Variants in KLHL23 observed in about 807,000 individuals in gnomAD.
KLHL23 encodes kelch-like protein 23.
Under a neutral mutation model 48.9 loss-of-function variants are expected in KLHL23, and 33 were observed. The observed-to-expected ratio is 0.67, with a 90% CI of 0.51 to 0.90. KLHL23 has a LOEUF of 0.90. Among genes scored for constraint, KLHL23 ranks in the 40% least tolerant of loss-of-function variants. The pLI, the probability that KLHL23 is intolerant of heterozygous loss-of-function variation, is 0.00. For synonymous variants in KLHL23, 234 were observed against 231.6 expected (o/e 1.01, Z -0.09); for missense variants, 608 against 669.6 (o/e 0.91, Z 1.02).
intron 2 of KLHL23, among the ~76,000 whole-genome samples, chr2:169,738,793 T>TCTTCCTTTCTTCATCTTC (rs138780478): frequency 0.044 from 6,171 of 139,528 alleles, 374 homozygotes; most frequent in Middle Eastern, 0.12. Flanking sequence ...TCATCATCTT[T>TCTTCCTTTCTTCATCTTC]CTTCCTTTCT....
Position 169,750,007 on chromosome 2 carries a change from A to ATATATACGTATGTATACATATATGTG in KLHL23, c.*290_*291insACATATATGTGTATATACGTATGTAT, listed in dbSNP as rs1558952363. ...TATACGTATGTATACATATATGTGT[A>ATATATACGTATGTATACATATATGTG]TATATACGTATGTATGTATACATAT... is the stretch of plus-strand genomic sequence containing the variant. On this transcript the variant is annotated 3_prime_UTR_variant, in exon 4 of 4. Coordinates refer to ENST00000392647, the MANE Select transcript of KLHL23 (RefSeq NM_144711.6). 1 of 173,980 alleles carries ATATATACGTATGTATACATATATGTG rather than the reference A, an allele frequency of 5.7e-6. No individual in the cohort carries two copies. Among genetic ancestry groups the ATATATACGTATGTATACATATATGTG allele is most frequent in the Non-Finnish European group, 1.1e-5 (1 of 87,366 alleles). 10.8% of individuals were successfully genotyped at this position (173,980 alleles called of 1,614,324 possible). A position where few individuals can be genotyped will look rare whatever the true frequency, so the allele number is the denominator to read the frequency against.
chr2:169,749,661 A>G lies in KLHL23; in HGVS notation c.1606A>G (p.Lys536Glu). 6.2e-7 allele frequency: 1 copy of G among 1,614,042 alleles called. No individual in the cohort carries two copies. Among genetic ancestry groups the G allele is most frequent in the Non-Finnish European group, 8.5e-7 (1 of 1,179,964 alleles). Residue 536 changes from lysine to glutamate, a missense_variant, in exon 4 of 4, where the codon AAG becomes GAG. By Grantham distance (56) the Lys-to-Glu change is moderately conservative. Transcript: ENST00000392647. Reference sequence around the variant, plus strand: ...TGAGAAATATGATCCAGATCTTAATAAGTGGGAAATAGTGGGTAATCTTCC... The same window carrying G: ...TGAGAAATATGATCCAGATCTTAATGAGTGGGAAATAGTGGGTAATCTTCC... ...SIEKYDPDLN[K>E]WEIVGNLPSA...
intron 2 of KLHL23, 183 bp from the exon 3 acceptor site, chr2:169,741,202 C>A: frequency 1.6e-6 from 1 of 635,708 alleles, no homozygotes; most frequent in South Asian, 3.4e-5. Flanking sequence ...GTGTGCACGT[C>A]TCACCCTCTC....
At chr2:169,740,794 CTT>C (rs1190341854) in intron 2 of KLHL23, among the ~76,000 whole-genome samples, 2 of 100,932 alleles carry the variant, frequency 2.0e-5, no homozygotes, top group Non-Finnish European at 4.2e-5. Flanking sequence ...ATATATATAA[CTT>C]ATTTATTGAT....
chr2:169,742,791 C>A (rs1688706590), intron 3 of KLHL23, among the ~76,000 whole-genome samples: 1 of 152,200 alleles, frequency 6.6e-6, no homozygotes, highest in African/African-American at 2.4e-5. Flanking sequence ...ATCCCAGACT[C>A]CCCACCACTT....
intron 3 of KLHL23, among the ~76,000 whole-genome samples, chr2:169,743,881 T>C (rs1451812778): frequency 6.6e-6 from 1 of 152,238 alleles, no homozygotes; most frequent in Non-Finnish European, 1.5e-5. Flanking sequence ...GGTTTGTTTC[T>C]TAAGGATTTT....
intron 2 of KLHL23, among the ~76,000 whole-genome samples, chr2:169,737,770 A>C (rs920480945): frequency 1.3e-5 from 2 of 151,884 alleles, no homozygotes; most frequent in Non-Finnish European, 2.9e-5. Context: ...ATGTGCCACC[A>C]CACCTAGGTA....
intron 2 of KLHL23, among the ~76,000 whole-genome samples, chr2:169,740,791 T>TATAA (rs1291405019): frequency 1.4e-5 from 2 of 140,238 alleles, no homozygotes; most frequent in Non-Finnish European, 3.1e-5. Flanking sequence ...TATATATATA[T>TATAA]AACTTATTTA....
At chr2:169,742,693 T>A (rs1688704999) in intron 3 of KLHL23, among the ~76,000 whole-genome samples, 1 of 152,200 alleles carries the variant, frequency 6.6e-6, no homozygotes, top group Admixed American at 6.5e-5. Context: ...AGGCTTTGCA[T>A]GAGAAGGAAC....
chr2:169,744,346 A>G (rs1001868002), intron 3 of KLHL23, among the ~76,000 whole-genome samples: 6 of 152,218 alleles, frequency 3.9e-5, no homozygotes, highest in Admixed American at 2.6e-4. Flanking sequence ...TGGGCCTTAA[A>G]GAATGGCCCC....
chr2:169,747,464 CTTTTTT>C (rs145417361), intron 3 of KLHL23, among the ~76,000 whole-genome samples: 2 of 125,260 alleles, frequency 1.6e-5, no homozygotes, highest in Non-Finnish European at 1.6e-5. Context: ...GAGGAAATCA[CTTTTTT>C]TTTTTTTTTT....
chr2:169,746,879 A>G (rs144621302), intron 3 of KLHL23, among the ~76,000 whole-genome samples: 3 of 152,372 alleles, frequency 2.0e-5, no homozygotes, highest in East Asian at 3.9e-4. Context: ...CACAATAACC[A>G]TTAGTTGAAT....
chr2:169,741,609 G>A, intron 3 of KLHL23, 72 bp downstream of exon 3: 2 of 1,482,634 alleles, frequency 1.3e-6, no homozygotes, highest in Non-Finnish European at 1.8e-6. Context: ...GCTAAAAATG[G>A]ACTGGAAATA....
At position 169,750,484 on chromosome 2, in the gene KLHL23, A is replaced by AAAG. The variant is rs1184956365; in HGVS notation, c.*754_*755insGAA. On this transcript the variant is annotated 3_prime_UTR_variant, in exon 4 of 4. Transcript: ENST00000392647. ...GGCGAGACCCTGTCTCAAAAAAAAA[A>AAAG]AAAAATCAATTTAGCTAGCAGGAAT... The AAAG allele has an allele frequency of 2.0e-5, 3 of 151,654 alleles. No individual in the cohort carries two copies. Among genetic ancestry groups the AAAG allele is most frequent in the Non-Finnish European group, 2.9e-5 (2 of 67,922 alleles). The allele number at this position is 151,654 out of a possible 1,614,324, so 9.4% of individuals were successfully genotyped here.
intron 3 of KLHL23, among the ~76,000 whole-genome samples, chr2:169,747,555 G>A (rs1688825067): frequency 6.7e-6 from 1 of 149,332 alleles, no homozygotes; most frequent in African/African-American, 2.5e-5. Flanking sequence ...TCCAGCCTCA[G>A]CCTCCCCAGT....
chr2:169,739,645 A>G lies in KLHL23; in HGVS notation c.1214-1740A>G, dbSNP rs371262005. Among the ~76,000 whole-genome samples, 5 of 152,268 alleles carry G rather than the reference A, an allele frequency of 3.3e-5. 1 individual carries two copies. The highest frequency in any genetic ancestry group is 1.9e-4 in the East Asian group (1 of 5,184). ...AATGCAGTGTTTTCTTGCCCTGACC[A>G]TGCCCAGCAGTTCATCTGTCCCTTT... On this transcript the variant is annotated intron_variant, in intron 2 of 3. Coordinates refer to ENST00000392647, the MANE Select transcript of KLHL23 (RefSeq NM_144711.6).
chr2:169,743,357 A>G (rs1292608396), intron 3 of KLHL23, among the ~76,000 whole-genome samples: 2 of 152,236 alleles, frequency 1.3e-5, no homozygotes, highest in African/African-American at 4.8e-5. Context: ...CAAAGTATTA[A>G]TAAGTCATGG....
rs746700222 is a variant in KLHL23, at chr2:169,735,809, A to G, written c.795A>G (p.Lys265=). Residue 265 remains lysine, a synonymous_variant, in exon 2 of 4, where the codon AAA becomes AAG. Transcript: ENST00000392647. This position sits in a 1 kb window ranked among gnomAD's most constrained non-coding sequence, Gnocchi z 4.5. The part of the protein sequence containing the change: ...LIYNALNPMH[K]EISQRSTATM... ...ACAATGCCTTGAATCCCATGCATAA[A>G]GAGATTTCCCAGAGGTCCACAGCCA... 4.3e-6 allele frequency: 7 copies of G among 1,614,148 alleles called. No individual in the cohort carries two copies. The highest frequency in any genetic ancestry group is 5.9e-6 in the Non-Finnish European group (7 of 1,180,040).
chr2:169,741,475 A>G lies in KLHL23; in HGVS notation c.1304A>G (p.Lys435Arg). 6.2e-7 allele frequency: 1 copy of G among 1,614,028 alleles called. No homozygotes were observed. Residue 435 changes from lysine to arginine, a missense_variant, in exon 3 of 4, where the codon AAA becomes AGA. Lys to Arg is a conservative substitution (Grantham distance 26). Transcript: ENST00000392647. ...TACAGAGGAAGCTGCACCTATGACAAAGTTCAGAGCTACAATTCCGATATC... is the reference window on the plus strand; with the variant it reads ...TACAGAGGAAGCTGCACCTATGACAGAGTTCAGAGCTACAATTCCGATATC... ...CGYRGSCTYD[K>R]VQSYNSDINE...
Sources: gnomAD v4.1 joint callset for allele counts (sites outside exome capture counted in the v4.1 genomes callset) on GRCh38, gnomAD v4.1.1 for gene constraint, Gnocchi (gnomAD v3.1) non-coding constraint, MANE v1.5 for transcripts, NCBI Gene and HGNC (gene_info 2026-07-23, HGNC 2026-07-21) for gene names.